The following RBFOX1 variants were observed in gnomAD, a reference collection of about 807,000 sequenced individuals.
The protein encoded by RBFOX1 is RNA binding protein fox-1 homolog 1.
Under a neutral mutation model 57.7 loss-of-function variants are expected in RBFOX1, and 8 were observed. That is an observed-to-expected ratio of 0.14 (90% CI 0.08 to 0.25). RBFOX1 has a LOEUF of 0.25. Among genes scored for constraint, RBFOX1 ranks in the 10% least tolerant of loss-of-function variants. The pLI, the probability that RBFOX1 is intolerant of heterozygous loss-of-function variation, is 1.00. For missense variants in RBFOX1, 611 were observed against 548.5 expected (o/e 1.11, Z -1.14); for synonymous variants, 326 against 222.4 (o/e 1.47, Z -4.15).
intron 5 of RBFOX1, among the ~76,000 whole-genome samples, chr16:7,557,643 G>GA (rs1467291700): frequency 6.8e-5 from 5 of 73,356 alleles, no homozygotes; most frequent in South Asian, 7.8e-4. Flanking sequence ...AAAAAAAAAA[G>GA]AAAAAGAAAA....
intron 4 of RBFOX1, among the ~76,000 whole-genome samples, chr16:5,926,530 G>A (rs771802516): frequency 1.3e-5 from 2 of 152,160 alleles, no homozygotes; most frequent in Non-Finnish European, 2.9e-5. Flanking sequence ...CAATGTGACT[G>A]TAGCCCACTG....
Position 5,608,385 on chromosome 16 carries a change from C to T in RBFOX1, c.318+9424C>T, listed in dbSNP as rs577608046. On this transcript the variant is annotated intron_variant, in intron 3 of 19. Coordinates refer to the RBFOX1 transcript ENST00000641259. ...AGCTCTGGAGGTGTGAGGGTCCACA[C>T]GTGGCCACATGATGAAGGGGCAATA... Among the ~76,000 whole-genome samples the T allele has an allele frequency of 8.5e-5, 13 of 152,250 alleles. No homozygotes were observed. In the East Asian group the frequency reaches 9.7e-4, roughly 11 times the overall value.
intron 3 of RBFOX1, among the ~76,000 whole-genome samples, chr16:6,763,336 GT>G (rs960203856): frequency 7.2e-3 from 63 of 8,696 alleles, no homozygotes; most frequent in African/African-American, 7.6e-3. Flanking sequence ...CTAGACACTT[GT>G]AAGCCCATCA....
At chr16:7,268,035 C>T (rs377645606) in intron 4 of RBFOX1, among the ~76,000 whole-genome samples, 1 of 152,176 alleles carries the variant, frequency 6.6e-6, no homozygotes, top group East Asian at 1.9e-4. Flanking sequence ...GCCTACGACA[C>T]ATCTAGGCTA....
At chr16:7,074,318 C>G (rs116393361) in intron 4 of RBFOX1, among the ~76,000 whole-genome samples, 1,549 of 152,262 alleles carry the variant, frequency 0.01, 30 homozygotes, top group African/African-American at 0.035. Flanking sequence ...TAAGCAAGAA[C>G]CAAACTGAGA....
intron 3 of RBFOX1, among the ~76,000 whole-genome samples, chr16:5,676,431 C>G (rs1413991681): frequency 6.6e-6 from 1 of 152,184 alleles, no homozygotes; most frequent in Non-Finnish European, 1.5e-5. Flanking sequence ...AGAGCAGACT[C>G]AATCTCACAT....
At chr16:6,557,303 A>C (rs2097119005) in intron 2 of RBFOX1, among the ~76,000 whole-genome samples, 1 of 151,902 alleles carries the variant, frequency 6.6e-6, no homozygotes, top group African/African-American at 2.4e-5. Context: ...GATATAAAGC[A>C]GAATCTTGCT....
chr16:5,442,705 G>A (rs897626030), intron 1 of RBFOX1, among the ~76,000 whole-genome samples: 3 of 152,110 alleles, frequency 2.0e-5, no homozygotes, highest in Non-Finnish European at 2.9e-5. Flanking sequence ...CCATCACCTG[G>A]CCACACACCT....
intron 4 of RBFOX1, among the ~76,000 whole-genome samples, chr16:7,241,290 C>T (rs980982742): frequency 6.6e-6 from 1 of 152,124 alleles, no homozygotes; most frequent in Non-Finnish European, 1.5e-5. Context: ...TATTCTAATT[C>T]TCTCAGCTTG....
At chr16:7,114,353 G>T (rs1313842580) in intron 4 of RBFOX1, among the ~76,000 whole-genome samples, 2 of 152,156 alleles carry the variant, frequency 1.3e-5, no homozygotes, top group African/African-American at 2.4e-5. Context: ...GAGGTCCAAG[G>T]TCACATATTT....
chr16:6,233,062 A>C (rs1026746010), intron 1 of RBFOX1, among the ~76,000 whole-genome samples: 6 of 152,128 alleles, frequency 3.9e-5, no homozygotes, highest in Non-Finnish European at 7.4e-5. Context: ...CAGATCTAAC[A>C]GGGAAATTCT....
intron 1 of RBFOX1, among the ~76,000 whole-genome samples, chr16:5,400,954 A>T (rs1567452459): frequency 2.0e-5 from 3 of 152,144 alleles, no homozygotes; most frequent in Admixed American, 6.5e-5. Flanking sequence ...GATTTGAAAG[A>T]TTCTTTATAT....
At chr16:6,916,552 G>C (rs12919552) in intron 3 of RBFOX1, among the ~76,000 whole-genome samples, 1 of 151,170 alleles carries the variant, frequency 6.6e-6, no homozygotes, top group East Asian at 2.0e-4. Context: ...AGATACCACA[G>C]TTTAAGAAAT....
At chr16:5,365,204 C>T (rs569677879) in intron 1 of RBFOX1, among the ~76,000 whole-genome samples, 10 of 152,202 alleles carry the variant, frequency 6.6e-5, no homozygotes, top group African/African-American at 2.2e-4. Flanking sequence ...TCCCATTTCC[C>T]ACTGGTTGAG....
intron 14 of RBFOX1, chr16:7,693,364 G>T: frequency 6.2e-7 from 1 of 1,608,934 alleles, no homozygotes; most frequent in Non-Finnish European, 8.5e-7. Context: ...TAACACCTCT[G>T]CAGGTAACAA....
In RBFOX1 at chr16:6,160,673, T is replaced by C. The variant is rs924135269; in HGVS notation, c.-127+140681T>C. On this transcript the variant is annotated intron_variant, in intron 1 of 15. Coordinates refer to ENST00000550418, the MANE Select transcript of RBFOX1 (RefSeq NM_018723.4). ...TTTGTGAGAACAAAGCTGGAGGTCC[T>C]CATCCTTGCTTGCAAGGCTCTGCAT... Among the ~76,000 whole-genome samples, 6 of 152,294 alleles carry C rather than the reference T, an allele frequency of 3.9e-5. No homozygotes were observed. In the South Asian group the frequency reaches 1.2e-3, roughly 32 times the overall value.
chr16:7,389,520 A>G (rs1169523831), intron 4 of RBFOX1, among the ~76,000 whole-genome samples: 1 of 152,218 alleles, frequency 6.6e-6, no homozygotes. Flanking sequence ...GACCAAAGAT[A>G]TCATTGCTTA....
At chr16:7,338,636 C>G (rs9931064) in intron 4 of RBFOX1, among the ~76,000 whole-genome samples, 61,901 of 152,042 alleles carry the variant, frequency 0.41, 15,564 homozygotes, top group African/African-American at 0.72. Context: ...CAGACACACA[C>G]ACTGTATTTT....
At chr16:5,447,059 CA>C (rs146923232) in intron 1 of RBFOX1, among the ~76,000 whole-genome samples, 2,406 of 152,266 alleles carry the variant, frequency 0.016, 82 homozygotes, top group African/African-American at 0.055. Flanking sequence ...TCTAAGCAAA[CA>C]AACCATCACG....
Sources: gnomAD v4.1 joint callset for allele counts (sites outside exome capture counted in the v4.1 genomes callset) on GRCh38, gnomAD v4.1.1 for gene constraint, MANE v1.5 for transcripts, NCBI Gene and HGNC (gene_info 2026-07-23, HGNC 2026-07-21) for gene names.